Variants in LONP2 observed in about 807,000 individuals in gnomAD.
The protein encoded by LONP2 is lon peptidase 2, peroxisomal.
In LONP2, 60 loss-of-function variants were observed where a neutral mutation model predicts 85.6. The observed-to-expected ratio is 0.70, with a 90% CI of 0.57 to 0.87. The LOEUF is 0.87. LONP2 is among the 40% of genes least tolerant of loss of function. The probability of loss-of-function intolerance (pLI) is 0.00; values close to 1 mark genes in which losing one functional copy is unlikely to be tolerated. For synonymous variants in LONP2, 395 were observed against 389.7 expected (o/e 1.01, Z -0.16); for missense variants, 860 against 1,063.5 (o/e 0.81, Z 2.66).
Position 48,335,244 on chromosome 16 carries a change from GT to G in LONP2, c.1938+887del, listed in dbSNP as rs547888434. On this transcript the variant is annotated intron_variant, in intron 12 of 14. Transcript: ENST00000285737. Reference sequence around the variant, plus strand: ...GAGGCGGGGAATCAACCTGATACAGGTCTGAAAACATGAGCATAGCTTAGCT... The same window carrying G: ...GAGGCGGGGAATCAACCTGATACAGGCTGAAAACATGAGCATAGCTTAGCT... 3.1e-3 allele frequency among the ~76,000 whole-genome samples: 472 copies of G among 152,322 alleles called. 2 individuals carry two copies. The highest frequency in any genetic ancestry group is 0.011 in the African/African-American group (450 of 41,578).
At chr16:48,349,586 C>T (rs2151034480) in intron 14 of LONP2, among the ~76,000 whole-genome samples, 1 of 152,288 alleles carries the variant, frequency 6.6e-6, no homozygotes, top group Non-Finnish European at 1.5e-5. Context: ...CAGACCATTA[C>T]AAGAGGCAGG....
intron 11 of LONP2, among the ~76,000 whole-genome samples, chr16:48,304,564 C>T (rs967447541): frequency 2.6e-5 from 4 of 151,960 alleles, no homozygotes; most frequent in Admixed American, 6.6e-5. Context: ...ATTAGCCAGG[C>T]GTGGTGTTGG....
At chr16:48,276,907 G>A (rs1314944879) in intron 7 of LONP2, among the ~76,000 whole-genome samples, 1 of 152,180 alleles carries the variant, frequency 6.6e-6, no homozygotes, top group Non-Finnish European at 1.5e-5. Context: ...AGATGATGAT[G>A]TTTTAGCTGG....
chr16:48,306,781 A>G (rs1972920728), intron 11 of LONP2, among the ~76,000 whole-genome samples: 1 of 152,228 alleles, frequency 6.6e-6, no homozygotes, highest in South Asian at 2.1e-4. Flanking sequence ...CACCAAGTTC[A>G]AATGGAGCTT....
At chr16:48,333,852 C>A (rs1424279433) in intron 11 of LONP2, among the ~76,000 whole-genome samples, 1 of 152,166 alleles carries the variant, frequency 6.6e-6, no homozygotes, top group African/African-American at 2.4e-5. Context: ...CAGTCTTTGT[C>A]CTAGCTATAG....
Position 48,347,671 on chromosome 16 carries a change from C to A in LONP2, c.2103C>A (p.Ile701=), listed in dbSNP as rs755324449. 3 of 1,614,148 alleles carry A rather than the reference C, an allele frequency of 1.9e-6. No individual in the cohort carries two copies. Among genetic ancestry groups the A allele is most frequent in the Non-Finnish European group, 2.5e-6 (3 of 1,180,028 alleles). Reference sequence around the variant, plus strand: ...TGAAGGAGTCCGCCCACCTCGCTATCAGCTGGCTCCGCAGCAACGCAAAGA... The same window carrying A: ...TGAAGGAGTCCGCCCACCTCGCTATAAGCTGGCTCCGCAGCAACGCAAAGA... ...DVMKESAHLA[I]SWLRSNAKKY... The change falls in exon 13 of 15, where the codon ATC becomes ATA. Residue 701 remains isoleucine, a synonymous_variant. Transcript: ENST00000285737.
chr16:48,327,309 GC>G (rs1179630486), intron 11 of LONP2, among the ~76,000 whole-genome samples: 4 of 152,144 alleles, frequency 2.6e-5, no homozygotes, highest in Non-Finnish European at 4.4e-5. Context: ...GAAAACACTA[GC>G]CCCCTCCCAT....
At chr16:48,325,128 T>G (rs752880590) in intron 11 of LONP2, among the ~76,000 whole-genome samples, 3 of 152,144 alleles carry the variant, frequency 2.0e-5, no homozygotes, top group Non-Finnish European at 4.4e-5. Flanking sequence ...CAGCATTAGA[T>G]TCTCATAAGG....
chr16:48,283,469 G>T (rs910065660), intron 8 of LONP2, among the ~76,000 whole-genome samples: 4 of 152,150 alleles, frequency 2.6e-5, no homozygotes, highest in African/African-American at 9.7e-5. Context: ...GATGAAGCCA[G>T]TGCTCATTGA....
intron 9 of LONP2, among the ~76,000 whole-genome samples, chr16:48,299,352 A>G (rs1420789651): frequency 6.6e-6 from 1 of 151,872 alleles, no homozygotes; most frequent in Non-Finnish European, 1.5e-5. Flanking sequence ...TGGGAGGCTG[A>G]GGCTGGTGGA....
intron 11 of LONP2, among the ~76,000 whole-genome samples, chr16:48,332,436 G>A (rs1959482397): frequency 6.6e-6 from 1 of 151,904 alleles, no homozygotes; most frequent in Admixed American, 6.6e-5. Context: ...ATTAGGCCAG[G>A]CTCAGTGGCT....
chr16:48,334,511 C>A, intron 12 of LONP2, 153 bp downstream of exon 12: 1 of 916,428 alleles, frequency 1.1e-6, no homozygotes, highest in Non-Finnish European at 1.8e-6. Context: ...GTTGGTGTGG[C>A]CGCACTTCTT....
At chr16:48,314,605 C>A (rs1295820422) in intron 11 of LONP2, among the ~76,000 whole-genome samples, 1 of 152,124 alleles carries the variant, frequency 6.6e-6, no homozygotes, top group Admixed American at 6.6e-5. Context: ...AAAACAGACA[C>A]ATAGACCAAT....
intron 8 of LONP2, among the ~76,000 whole-genome samples, chr16:48,284,147 G>C (rs1328647523): frequency 6.6e-6 from 1 of 152,212 alleles, no homozygotes; most frequent in African/African-American, 2.4e-5. Context: ...GCTTCTTACA[G>C]ATGAGCAAAG....
At chr16:48,282,410 CAA>C (rs773913986) in intron 8 of LONP2, among the ~76,000 whole-genome samples, 102 of 83,822 alleles carry the variant, frequency 1.2e-3, no homozygotes, top group African/African-American at 2.2e-3. Context: ...GACTCTGTCT[CAA>C]AAAAAAAAAA....
In LONP2 at chr16:48,271,819, T is replaced by A. The variant is rs113783830; in HGVS notation, c.1241+1545T>A. The stretch of plus-strand genomic sequence containing the variant: ...GAGTAGAGAATTGATTTGGGTGATT[T>A]CTTCTGGCAATTTCAAAAGATATTT... On this transcript the variant is annotated intron_variant, in intron 7 of 14. Coordinates refer to ENST00000285737, the MANE Select transcript of LONP2 (RefSeq NM_031490.5). Among the ~76,000 whole-genome samples the A allele has an allele frequency of 7.0e-3, 1,065 of 152,344 alleles. 17 individuals carry two copies. The highest frequency in any genetic ancestry group is 0.024 in the African/African-American group (1,015 of 41,582).
At position 48,299,594 on chromosome 16, in the gene LONP2, CAAAA is replaced by C. The variant is rs901441274; in HGVS notation, c.1535-65_1535-62del. 4.8e-6 allele frequency: 7 copies of C among 1,469,954 alleles called. No individual in the cohort carries two copies. In the Admixed American group the frequency reaches 8.6e-5, roughly 18 times the overall value. 91.1% of individuals were successfully genotyped at this position (1,469,954 alleles called of 1,614,324 possible). ...AAGACTCTGTCTCTAAAAAAAAAAACAAAAAACAAAGCATGGCATTATGGGAGCC... is the reference window on the plus strand; with the variant it reads ...AAGACTCTGTCTCTAAAAAAAAAAACAACAAAGCATGGCATTATGGGAGCC... On this transcript the variant is annotated intron_variant, in intron 9 of 14. Transcript: ENST00000285737.
chr16:48,344,471 T>C (rs1187811499), intron 12 of LONP2: 1 of 152,232 alleles, frequency 6.6e-6, no homozygotes, highest in Non-Finnish European at 1.5e-5. Flanking sequence ...ATTGTGAGCC[T>C]AGATGCTCTA....
intron 6 of LONP2, among the ~76,000 whole-genome samples, chr16:48,267,464 TC>T (rs1439032402): frequency 1.3e-5 from 2 of 151,954 alleles, no homozygotes; most frequent in African/African-American, 4.8e-5. Flanking sequence ...CACACCCAAC[TC>T]ATTTTTGTAT....
Sources: allele counts gnomAD v4.1 joint callset (sites outside exome capture counted in the v4.1 genomes callset), GRCh38; gene constraint gnomAD v4.1.1; transcripts MANE v1.5; gene names NCBI Gene and HGNC (gene_info 2026-07-23, HGNC 2026-07-21).